The following GRIK2 variants were observed in gnomAD, a reference collection of about 807,000 sequenced individuals.
The protein encoded by GRIK2 is glutamate ionotropic receptor kainate type subunit 2, also known as glutamate receptor ionotropic, kainate 2.
In GRIK2, 32 loss-of-function variants were observed where a neutral mutation model predicts 100.3. The ratio of observed to expected loss-of-function variants is 0.32; its 90% CI spans 0.24 to 0.43. The LOEUF is 0.43. Among genes scored for constraint, GRIK2 ranks in the 20% least tolerant of loss-of-function variants. The pLI is 1.00. For missense variants in GRIK2, 843 were observed against 1,114.9 expected (o/e 0.76, Z 3.47); for synonymous variants, 417 against 389.4 (o/e 1.07, Z -0.83).
intron 11 of GRIK2, chr6:101,860,918 T>C (rs1179734301): frequency 2.2e-6 from 2 of 914,620 alleles, no homozygotes; most frequent in Non-Finnish European, 2.6e-6. Flanking sequence ...TTCTGAGGCA[T>C]TAGGTATTGT....
intron 7 of GRIK2, among the ~76,000 whole-genome samples, chr6:101,712,225 A>G (rs1773766958): frequency 6.6e-6 from 1 of 151,858 alleles, no homozygotes; most frequent in Non-Finnish European, 1.5e-5. Flanking sequence ...GCTATCTTTT[A>G]GAACCTTGCT....
intron 14 of GRIK2, among the ~76,000 whole-genome samples, chr6:102,013,937 G>A (rs1240644332): frequency 6.6e-6 from 1 of 152,036 alleles, no homozygotes; most frequent in Non-Finnish European, 1.5e-5. Flanking sequence ...AATGATGTCA[G>A]CCTCATAGAA....
intron 14 of GRIK2, among the ~76,000 whole-genome samples, chr6:101,976,662 C>A (rs370365126): frequency 6.6e-6 from 1 of 151,648 alleles, no homozygotes; most frequent in Non-Finnish European, 1.5e-5. Context: ...TGCACTCCAA[C>A]CTAGGTGACA....
rs115785063 is a variant in GRIK2 at position 101,601,840 on chromosome 6, C to A, written c.116-20109C>A. 1.5e-3 allele frequency among the ~76,000 whole-genome samples: 221 copies of A among 151,776 alleles called. 1 individual carries two copies. The highest frequency in any genetic ancestry group is 5.2e-3 in the African/African-American group (216 of 41,492). The stretch of plus-strand genomic sequence containing the variant: ...TCTCTTTTTTTCTTGGTTAATCTAG[C>A]TAGCAATCTATTGATCATGTGTATC... On this transcript the variant is annotated intron_variant, in intron 2 of 16. Transcript: ENST00000369134.
intron 7 of GRIK2, among the ~76,000 whole-genome samples, chr6:101,771,901 T>C (rs1778432788): frequency 6.6e-6 from 1 of 152,116 alleles, no homozygotes; most frequent in Non-Finnish European, 1.5e-5. Flanking sequence ...CCATGATGTA[T>C]ATGTGCCACA....
At chr6:101,460,601 T>G (rs1007395247) in intron 2 of GRIK2, among the ~76,000 whole-genome samples, 1 of 152,182 alleles carries the variant, frequency 6.6e-6, no homozygotes, top group Non-Finnish European at 1.5e-5. Flanking sequence ...CATTAACACT[T>G]TGGCTTATTT....
intron 10 of GRIK2, among the ~76,000 whole-genome samples, chr6:101,831,129 A>T (rs912458920): frequency 7.9e-5 from 12 of 152,140 alleles, no homozygotes; most frequent in Non-Finnish European, 1.6e-4. Context: ...AAAATAATTT[A>T]AAAATAAAAC....
chr6:101,774,600 T>TA (rs1047929613), intron 7 of GRIK2, among the ~76,000 whole-genome samples: 16 of 152,204 alleles, frequency 1.1e-4, no homozygotes, highest in Middle Eastern at 3.4e-3. Flanking sequence ...CTGATCTTAG[T>TA]AAAAAAAATT....
intron 14 of GRIK2, among the ~76,000 whole-genome samples, chr6:101,933,760 A>G (rs1180111123): frequency 2.0e-5 from 3 of 151,974 alleles, no homozygotes; most frequent in Non-Finnish European, 4.4e-5. Flanking sequence ...GATTATGTGC[A>G]AAATTTTATT....
intron 10 of GRIK2, among the ~76,000 whole-genome samples, chr6:101,845,591 T>C (rs1372018697): frequency 6.6e-6 from 1 of 152,232 alleles, no homozygotes; most frequent in Non-Finnish European, 1.5e-5. Context: ...TCTCCAAAAT[T>C]TGGCTATTGT....
At chr6:101,933,618 A>C (rs1790427864) in intron 14 of GRIK2, among the ~76,000 whole-genome samples, 1 of 151,890 alleles carries the variant, frequency 6.6e-6, no homozygotes, top group Admixed American at 6.6e-5. Flanking sequence ...GTGTGCCCTA[A>C]ATCAATGCCA....
intron 11 of GRIK2, among the ~76,000 whole-genome samples, chr6:101,864,210 C>T (rs1264919465): frequency 1.3e-5 from 2 of 151,654 alleles, no homozygotes; most frequent in Non-Finnish European, 2.9e-5. Context: ...AGGACTATAG[C>T]CTTCTTTAAC....
At chr6:101,567,806 C>G (rs1777349856) in intron 2 of GRIK2, among the ~76,000 whole-genome samples, 1 of 152,000 alleles carries the variant, frequency 6.6e-6, no homozygotes, top group African/African-American at 2.4e-5. Context: ...CCATTATTAA[C>G]TCATCTTCTG....
intron 4 of GRIK2, among the ~76,000 whole-genome samples, chr6:101,662,758 T>C (rs1361564066): frequency 6.6e-6 from 1 of 152,164 alleles, no homozygotes; most frequent in Non-Finnish European, 1.5e-5. Flanking sequence ...TCTCACATTA[T>C]TGTACATAAG....
intron 2 of GRIK2, among the ~76,000 whole-genome samples, chr6:101,403,002 T>C (rs77426319): frequency 1.3e-5 from 2 of 152,300 alleles, no homozygotes; most frequent in African/African-American, 4.8e-5. Flanking sequence ...GGTCCTTCTC[T>C]TCCGGGCATG....
intron 2 of GRIK2, among the ~76,000 whole-genome samples, chr6:101,592,586 CACATAT>C (rs1778707139): frequency 5.6e-5 from 3 of 53,396 alleles, no homozygotes; most frequent in African/African-American, 1.6e-4. Flanking sequence ...TTACTAATAT[CACATAT>C]ATATATATAT....
rs1772342342 is a variant in GRIK2, at chr6:101,694,548, G to A, written c.951+8195G>A. 1.3e-5 allele frequency among the ~76,000 whole-genome samples: 2 copies of A among 152,024 alleles called. 1 individual carries two copies. Among genetic ancestry groups the A allele is most frequent in the South Asian group, 4.1e-4 (2 of 4,826 alleles). On this transcript the variant is annotated intron_variant, in intron 7 of 16. Transcript: ENST00000369134. ...AGAAGAGAGAGTAAGAGATGGAATTGAGGCCTACAAATAAGAAATCTTATT... is the reference window on the plus strand; with the variant it reads ...AGAAGAGAGAGTAAGAGATGGAATTAAGGCCTACAAATAAGAAATCTTATT...
At chr6:101,765,368 G>C (rs142411615) in intron 7 of GRIK2, among the ~76,000 whole-genome samples, 2 of 152,050 alleles carry the variant, frequency 1.3e-5, no homozygotes, top group Non-Finnish European at 2.9e-5. Flanking sequence ...TACTGAATGC[G>C]TGTGTGCTTT....
intron 4 of GRIK2, among the ~76,000 whole-genome samples, chr6:101,651,832 A>C (rs949174696): frequency 2.6e-5 from 4 of 152,252 alleles, no homozygotes; most frequent in African/African-American, 9.6e-5. Context: ...GGGATGAACT[A>C]TTCATTTGAG....
Sources: gnomAD v4.1 joint callset for allele counts (sites outside exome capture counted in the v4.1 genomes callset) on GRCh38, gnomAD v4.1.1 for gene constraint, MANE v1.5 for transcripts, NCBI Gene and HGNC (gene_info 2026-07-23, HGNC 2026-07-21) for gene names.